Variants in RNGTT observed in about 807,000 individuals in gnomAD.
RNGTT encodes the protein RNA guanylyltransferase and 5'-phosphatase.
A neutral mutation model predicts 79.3 loss-of-function variants in RNGTT; 33 were observed. The ratio of observed to expected loss-of-function variants is 0.42; its 90% confidence interval spans 0.32 to 0.56. RNGTT has a LOEUF of 0.56. Among genes scored for constraint, RNGTT ranks in the 20% least tolerant of loss-of-function variants. The pLI is 0.17. For synonymous variants in RNGTT, 222 were observed against 235.9 expected (o/e 0.94, Z 0.54); for missense variants, 497 against 739.1 (o/e 0.67, Z 3.80).
chr6:88,783,750 G>T (rs1380516469), intron 12 of RNGTT, among the ~76,000 whole-genome samples: 1 of 150,150 alleles, frequency 6.7e-6, no homozygotes, highest in Non-Finnish European at 1.5e-5. Context: ...TTTGTTGTGG[G>T]GGCTGTTCCG....
intron 4 of RNGTT, among the ~76,000 whole-genome samples, chr6:88,919,767 A>G (rs1407415323): frequency 1.8e-5 from 2 of 110,794 alleles, no homozygotes; most frequent in Non-Finnish European, 3.3e-5. Flanking sequence ...CCCAGGCTGG[A>G]GTGCAATGGA....
chr6:88,843,173 G>A (rs960824751), intron 11 of RNGTT, among the ~76,000 whole-genome samples: 1 of 151,052 alleles, frequency 6.6e-6, no homozygotes, highest in Non-Finnish European at 1.5e-5. Context: ...AAGAGTGCTG[G>A]CAATGGGAAA....
chr6:88,774,371 T>C (rs1189556306), intron 12 of RNGTT, among the ~76,000 whole-genome samples: 2 of 151,886 alleles, frequency 1.3e-5, no homozygotes, highest in East Asian at 1.9e-4. Flanking sequence ...ACATTGCTGA[T>C]AGAAATGTGA....
At chr6:88,784,084 A>G (rs1779153206) in intron 12 of RNGTT, among the ~76,000 whole-genome samples, 1 of 152,180 alleles carries the variant, frequency 6.6e-6, no homozygotes, top group African/African-American at 2.4e-5. Flanking sequence ...AATGAAATGT[A>G]ACACAGTCAA....
In RNGTT at chr6:88,844,524, G is replaced by A. The variant is rs1781425253; in HGVS notation, c.1105-3C>T. 1.9e-6 allele frequency: 3 copies of A among 1,593,228 alleles called. No homozygotes were observed. Among genetic ancestry groups the A allele is most frequent in the Non-Finnish European group, 1.7e-6 (2 of 1,173,552 alleles). On this transcript the variant is annotated splice_polypyrimidine_tract_variant and splice_region_variant and intron_variant, in intron 10 of 15. Transcript: ENST00000369485. ...TCACAATCTCCAACGGGCTGTGACTGAATTAAATAAAGAATTAGTTAAATT... is the reference window on the plus strand; with the variant it reads ...TCACAATCTCCAACGGGCTGTGACTAAATTAAATAAAGAATTAGTTAAATT...
At chr6:88,806,397 A>G (rs550883022) in intron 11 of RNGTT, among the ~76,000 whole-genome samples, 1 of 148,982 alleles carries the variant, frequency 6.7e-6, no homozygotes, top group African/African-American at 2.5e-5. Flanking sequence ...GGCTCACTGC[A>G]ACCTCTGCTT....
rs772266908 is a variant in RNGTT at position 88,904,947 on chromosome 6, G to T, written c.452C>A (p.Ala151Glu). The T allele has an allele frequency of 6.2e-7, 1 of 1,613,964 alleles. No individual in the cohort carries two copies. Among genetic ancestry groups the T allele is most frequent in the South Asian group, 1.1e-5 (1 of 91,050 alleles). Residue 151 changes from alanine (A) to glutamate (E), a missense_variant, in exon 6 of 16, where the codon GCA (alanine) becomes GAA (glutamate). Ala to Glu is a moderately radical substitution (Grantham distance 107, BLOSUM62 -1). This residue lies in a region of RNGTT where 440 missense variants were observed against 671.5 expected (regional missense o/e 0.66). Coordinates refer to ENST00000369485, the MANE Select transcript of RNGTT (RefSeq NM_003800.5). ...LVEKMDWSIEAAVATFAQARP... is the reference protein window; with the variant it reads ...LVEKMDWSIEEAVATFAQARP... ...GGCTTGGGCAAAAGTAGCAACTGCT[G>T]CTTCGATACTATAGGAAACAAACAC...
chr6:88,654,836 C>T lies in RNGTT; in HGVS notation c.1506+23517G>A, dbSNP rs7770670. 7.7e-3 allele frequency among the ~76,000 whole-genome samples: 1,172 copies of T among 152,200 alleles called. 8 individuals are homozygous for T. The highest frequency in any genetic ancestry group is 0.026 in the African/African-American group (1,086 of 41,500). On this transcript the variant is annotated intron_variant, in intron 14 of 15. Coordinates refer to ENST00000369485, the MANE Select transcript of RNGTT (RefSeq NM_003800.5). The stretch of plus-strand genomic sequence containing the variant: ...CAGAAATTAATTTAGTGGGTTGAGA[C>T]CAGCATCTAAAAACTAAATCAAAAG...
At position 88,611,546 on chromosome 6, in the gene RNGTT, TTATC is replaced by T. The variant is rs1169906360; in HGVS notation, c.*1169_*1172del. 3 of 152,408 alleles carry T rather than the reference TTATC, an allele frequency of 2.0e-5. No individual in the cohort carries two copies. The highest frequency in any genetic ancestry group is 4.4e-5 in the Non-Finnish European group (3 of 68,040). 9.4% of individuals were successfully genotyped at this position (152,408 alleles called of 1,614,324 possible). A position where few individuals can be genotyped will look rare whatever the true frequency, so the allele number is the denominator to read the frequency against. Reference sequence around the variant, plus strand: ...ATCAATTAGCCGCCCTTTAAATCCATTATCTATCAGTAAACATTTTAAAATTCAG... The same window carrying T: ...ATCAATTAGCCGCCCTTTAAATCCATTATCAGTAAACATTTTAAAATTCAG... On this transcript the variant is annotated 3_prime_UTR_variant, in exon 16 of 16. Coordinates refer to ENST00000369485, the MANE Select transcript of RNGTT (RefSeq NM_003800.5).
chr6:88,687,607 A>G (rs1775325841), intron 13 of RNGTT, among the ~76,000 whole-genome samples: 1 of 152,176 alleles, frequency 6.6e-6, no homozygotes, highest in Non-Finnish European at 1.5e-5. Context: ...AAAAATGAGG[A>G]CAATCTCTAC....
chr6:88,700,639 G>A (rs1390706899), intron 13 of RNGTT, among the ~76,000 whole-genome samples: 1 of 152,098 alleles, frequency 6.6e-6, no homozygotes, highest in African/African-American at 2.4e-5. Flanking sequence ...TAAGAGAGAT[G>A]ATTCATAAAT....
rs1248536404 is a variant in RNGTT, at chr6:88,929,258, C to T, written c.184G>A (p.Gly62Ser). Residue 62 changes from glycine to serine, a missense_variant, in exon 3 of 16, where the codon GGC (glycine) becomes AGC (serine). Around this residue, in one of 3 missense-constraint regions of RNGTT, gnomAD observed 440 missense variants for 671.5 expected, o/e 0.66. Coordinates refer to ENST00000369485, the MANE Select transcript of RNGTT (RefSeq NM_003800.5). ...NYLKSLKVKM[G>S]LLVDLTNTSR... Reference sequence around the variant, plus strand: ...GTATTTGTCAGGTCCACCAACAAGCCCATTTTAACCTAAAAAAAAAAAAAA... The same window carrying T: ...GTATTTGTCAGGTCCACCAACAAGCTCATTTTAACCTAAAAAAAAAAAAAA... 3.2e-6 allele frequency: 5 copies of T among 1,581,580 alleles called. No homozygotes were observed. Among genetic ancestry groups the T allele is most frequent in the Non-Finnish European group, 4.3e-6 (5 of 1,167,946 alleles).
At chr6:88,916,909 T>C (rs1031241427) in intron 4 of RNGTT, among the ~76,000 whole-genome samples, 9 of 152,230 alleles carry the variant, frequency 5.9e-5, no homozygotes, top group African/African-American at 2.2e-4. Context: ...TAACTATAAA[T>C]CCTGCCCAAA....
At chr6:88,717,800 AC>A (rs1776571335) in intron 13 of RNGTT, among the ~76,000 whole-genome samples, 1 of 152,094 alleles carries the variant, frequency 6.6e-6, no homozygotes, top group South Asian at 2.1e-4. Flanking sequence ...ACAGAAAAAA[AC>A]AGCAGCCCAC....
chr6:88,959,565 T>C (rs1228496056), intron 1 of RNGTT, among the ~76,000 whole-genome samples: 3 of 152,154 alleles, frequency 2.0e-5, no homozygotes, highest in Non-Finnish European at 4.4e-5. Flanking sequence ...CCCTTCTTAA[T>C]ATCTCTCAAA....
At chr6:88,775,736 A>C (rs77062926) in intron 12 of RNGTT, among the ~76,000 whole-genome samples, 3 of 152,208 alleles carry the variant, frequency 2.0e-5, no homozygotes, top group Non-Finnish European at 2.9e-5. Flanking sequence ...TGTTTTTTGC[A>C]TTCTGTTTCT....
intron 13 of RNGTT, among the ~76,000 whole-genome samples, chr6:88,734,407 AAATGAAAAGAAC>A (rs1219595616): frequency 6.6e-6 from 1 of 152,190 alleles, no homozygotes; most frequent in East Asian, 1.9e-4. Context: ...AAGATTTTAA[AAATGAAAAGAAC>A]AAGTACAACA....
intron 14 of RNGTT, among the ~76,000 whole-genome samples, chr6:88,623,392 A>T (rs1422194097): frequency 6.6e-6 from 1 of 151,946 alleles, no homozygotes; most frequent in African/African-American, 2.4e-5. Flanking sequence ...CCTGCTTCCA[A>T]ATCTGTTTCT....
chr6:88,709,712 G>T (rs2127806492), intron 13 of RNGTT, among the ~76,000 whole-genome samples: 1 of 152,274 alleles, frequency 6.6e-6, no homozygotes, highest in East Asian at 1.9e-4. Context: ...TCAAAATGTG[G>T]TGTGTTATTT....
Sources: allele counts gnomAD v4.1 joint callset (sites outside exome capture counted in the v4.1 genomes callset), GRCh38; gene constraint gnomAD v4.1.1; regional missense constraint gnomAD v4.1.1; transcripts MANE v1.5; gene names NCBI Gene and HGNC (gene_info 2026-07-23, HGNC 2026-07-21).